The following NHSL1 variants were observed in gnomAD, a reference collection of about 807,000 sequenced individuals.
NHSL1 encodes the protein NHS-like protein 1.
A neutral mutation model predicts 95.0 loss-of-function variants in NHSL1; 48 were observed. That is an observed-to-expected ratio of 0.51 (90% CI 0.40 to 0.64). NHSL1 has a LOEUF of 0.64. Among genes scored for constraint, NHSL1 ranks in the 30% least tolerant of loss-of-function variants. The probability of loss-of-function intolerance (pLI) is 0.00; values close to 1 mark genes in which losing one functional copy is unlikely to be tolerated. For synonymous variants in NHSL1, 783 were observed against 833.9 expected (o/e 0.94, Z 1.05); for missense variants, 1,971 against 2,077.7 (o/e 0.95, Z 1.00).
chr6:138,566,806 G>T (rs1448579381), intron 1 of NHSL1, among the ~76,000 whole-genome samples: 1 of 151,928 alleles, frequency 6.6e-6, no homozygotes, highest in East Asian at 1.9e-4. Flanking sequence ...GTCAATAAAG[G>T]GCAGTCTCAA....
upstream of NHSL1, among the ~76,000 whole-genome samples, chr6:138,576,331 A>C (rs1338704612): frequency 6.6e-6 from 1 of 152,188 alleles, no homozygotes; most frequent in Non-Finnish European, 1.5e-5. Flanking sequence ...TTTAAAAAAA[A>C]TAACTTCAGC....
At chr6:138,538,524 T>C (rs1423335916) in intron 1 of NHSL1, among the ~76,000 whole-genome samples, 1 of 152,174 alleles carries the variant, frequency 6.6e-6, no homozygotes, top group African/African-American at 2.4e-5. Context: ...TTCCCTTTCC[T>C]AAGAGACCAC....
At chr6:138,544,983 CTTTTTTTTTTTTTT>C (rs35979187) in intron 1 of NHSL1, among the ~76,000 whole-genome samples, 2 of 83,466 alleles carry the variant, frequency 2.4e-5, no homozygotes, top group East Asian at 4.1e-4. Flanking sequence ...TCTTTCTTTT[CTTTTTTTTTTTTTT>C]TTTTTTTTTT....
At chr6:138,595,478 A>G (rs983931115) in intron 1 of NHSL1, among the ~76,000 whole-genome samples, 34 of 152,346 alleles carry the variant, frequency 2.2e-4, no homozygotes, top group African/African-American at 7.7e-4. Flanking sequence ...CAGGAGGCCA[A>G]GGTGGGAGGA....
chr6:138,620,076 A>C (rs1337291241), intron 1 of NHSL1, among the ~76,000 whole-genome samples: 1 of 150,592 alleles, frequency 6.6e-6, no homozygotes, highest in East Asian at 1.9e-4. Context: ...ATACTCCTTA[A>C]CACCTGCCAA....
chr6:138,570,454 C>T (rs911042968), intron 1 of NHSL1, among the ~76,000 whole-genome samples: 4 of 152,200 alleles, frequency 2.6e-5, no homozygotes, highest in African/African-American at 4.8e-5. Context: ...CTTTTCTAAG[C>T]CTGGCAATCA....
At chr6:138,560,905 G>A (rs999513055) in intron 1 of NHSL1, among the ~76,000 whole-genome samples, 23 of 152,172 alleles carry the variant, frequency 1.5e-4, no homozygotes, top group Non-Finnish European at 2.9e-4. Flanking sequence ...GAACTGTATC[G>A]ACAATAAAAT....
At chr6:138,579,865 T>C (rs746587264) in intron 1 of NHSL1, among the ~76,000 whole-genome samples, 33 of 152,236 alleles carry the variant, frequency 2.2e-4, no homozygotes, top group Non-Finnish European at 4.0e-4. Flanking sequence ...TATGGCTCTA[T>C]AGTGCTTACA....
chr6:138,527,206 A>T (rs562135658), intron 1 of NHSL1, among the ~76,000 whole-genome samples: 1 of 151,646 alleles, frequency 6.6e-6, no homozygotes, highest in East Asian at 2.0e-4. Flanking sequence ...TTTTGTGCAG[A>T]TGAGGATTTC....
At chr6:138,539,895 C>A (rs908916515) in intron 1 of NHSL1, among the ~76,000 whole-genome samples, 1 of 152,006 alleles carries the variant, frequency 6.6e-6, no homozygotes, top group African/African-American at 2.4e-5. Context: ...AATCTGGCTT[C>A]TACTGCAACA....
chr6:138,581,436 A>G (rs372870740), intron 1 of NHSL1, among the ~76,000 whole-genome samples: 8 of 152,228 alleles, frequency 5.3e-5, no homozygotes, highest in East Asian at 1.9e-4. Flanking sequence ...TCACACCTGT[A>G]ATCCCAGCAG....
chr6:138,541,390 C>T (rs1461679324), intron 1 of NHSL1, among the ~76,000 whole-genome samples: 2 of 152,164 alleles, frequency 1.3e-5, no homozygotes, highest in Non-Finnish European at 2.9e-5. Flanking sequence ...ATAAAAGCAA[C>T]ATCATTTAAA....
Position 138,429,848 on chromosome 6 carries a change from A to C in NHSL1, c.3953-5T>G, listed in dbSNP as rs940987808. 1.3e-6 allele frequency: 2 copies of C among 1,549,810 alleles called. No homozygotes were observed. Among genetic ancestry groups the C allele is most frequent in the Non-Finnish European group, 1.7e-6 (2 of 1,146,392 alleles). ...CGTTGGTCTCCGGCACCCCAGCTACAGAAGAGCAGGCAGGCATACAAGACG... is the reference window on the plus strand; with the variant it reads ...CGTTGGTCTCCGGCACCCCAGCTACCGAAGAGCAGGCAGGCATACAAGACG... On this transcript the variant is annotated splice_polypyrimidine_tract_variant and splice_region_variant and intron_variant, in intron 6 of 7. Coordinates refer to ENST00000343505, the MANE Select transcript of NHSL1 (RefSeq NM_001144060.2).
In NHSL1 at chr6:138,432,575, C is replaced by T. The variant is rs375605967; in HGVS notation, c.1770G>A (p.Thr590=). The T allele has an allele frequency of 1.2e-5, 18 of 1,551,950 alleles. No individual in the cohort carries two copies. The highest frequency in any genetic ancestry group is 3.6e-5 in the South Asian group (3 of 84,058). The change falls in exon 6 of 8, where the codon ACG becomes ACA. Residue 590 remains threonine, a synonymous_variant. Coordinates refer to ENST00000343505, the MANE Select transcript of NHSL1 (RefSeq NM_001144060.2). The surrounding 1 kb of genome is among the most constrained non-coding windows in gnomAD (Gnocchi z 4.4). ...GCGACCCAGCATCCTCTTTGTTGGA[C>T]GTTTGGTCCAAACTGCAGCTGCTCA... ...SNMSSCSLDQ[T]SNKEDAGSLY...
chr6:138,466,495 G>A (rs1778390632), intron 3 of NHSL1, among the ~76,000 whole-genome samples: 1 of 152,124 alleles, frequency 6.6e-6, no homozygotes, highest in African/African-American at 2.4e-5. Flanking sequence ...GCTGAGTAAG[G>A]CCTATCCTTT....
chr6:138,486,483 T>A (rs1338942421), intron 2 of NHSL1, among the ~76,000 whole-genome samples: 1 of 152,122 alleles, frequency 6.6e-6, no homozygotes. Flanking sequence ...GTGAGCGCCA[T>A]GATGACTGCC....
At chr6:138,462,861 G>C (rs150148309) in intron 3 of NHSL1, among the ~76,000 whole-genome samples, 316 of 152,332 alleles carry the variant, frequency 2.1e-3, no homozygotes, top group African/African-American at 7.2e-3. Context: ...AAGAAGAAAG[G>C]AGCCAGCAGA....
chr6:138,454,329 G>A (rs1380809385), intron 3 of NHSL1, among the ~76,000 whole-genome samples: 1 of 152,138 alleles, frequency 6.6e-6, no homozygotes. Context: ...TCATTTCACT[G>A]GGGTATACAT....
Position 138,431,564 on chromosome 6 carries a change from G to C in NHSL1, c.2781C>G (p.Pro927=). Residue 927 remains proline, a synonymous_variant, in exon 6 of 8, where the codon CCC becomes CCG. Coordinates refer to ENST00000343505, the MANE Select transcript of NHSL1 (RefSeq NM_001144060.2). The surrounding 1 kb of genome is among the most constrained non-coding windows in gnomAD (Gnocchi z 4.0). ...MKKLDPAVGS[P]PAPPPPPVPS... Reference sequence around the variant, plus strand: ...GAACAGGAGGAGGAGGAGGAGCCGGGGGAGAGCCCACGGCTGGATCCAGCT... The same window carrying C: ...GAACAGGAGGAGGAGGAGGAGCCGGCGGAGAGCCCACGGCTGGATCCAGCT... 2 of 1,551,406 alleles carry C rather than the reference G, an allele frequency of 1.3e-6. No individual in the cohort carries two copies. Among genetic ancestry groups the C allele is most frequent in the Non-Finnish European group, 8.7e-7 (1 of 1,146,830 alleles).
Sources: allele counts gnomAD v4.1 joint callset (sites outside exome capture counted in the v4.1 genomes callset), GRCh38; gene constraint gnomAD v4.1.1; non-coding constraint Gnocchi (gnomAD v3.1); transcripts MANE v1.5; gene names NCBI Gene and HGNC (gene_info 2026-07-23, HGNC 2026-07-21).